Variants in TPST1 observed in about 807,000 individuals in gnomAD.
The protein encoded by TPST1 is tyrosylprotein sulfotransferase 1, also known as protein-tyrosine sulfotransferase 1.
In TPST1, 20 loss-of-function variants were observed where a neutral mutation model predicts 34.8. The ratio of observed to expected loss-of-function variants is 0.57; its 90% CI spans 0.40 to 0.84. The LOEUF is 0.84. TPST1 is among the 40% of genes least tolerant of loss of function. TPST1 has a pLI of 0.00. For synonymous variants in TPST1, 152 were observed against 159.4 expected, an observed-to-expected ratio of 0.95 and a Z score of 0.35; for missense variants, 353 against 455.5, an observed-to-expected ratio of 0.78 and a Z score of 2.05.
chr7:66,257,469 T>C (rs1224433432), intron 2 of TPST1, among the ~76,000 whole-genome samples: 1 of 152,216 alleles, frequency 6.6e-6, no homozygotes, highest in Non-Finnish European at 1.5e-5. Flanking sequence ...TCTGAGTTAT[T>C]CTTCCTTTTT....
chr7:66,331,953 C>G (rs1338902419), intron 3 of TPST1, among the ~76,000 whole-genome samples: 1 of 152,194 alleles, frequency 6.6e-6, no homozygotes, highest in Non-Finnish European at 1.5e-5. Context: ...TGATCTTTCA[C>G]TGTCTCCGAT....
At chr7:66,338,647 A>G (rs1792170595) in intron 3 of TPST1, among the ~76,000 whole-genome samples, 1 of 152,224 alleles carries the variant, frequency 6.6e-6, no homozygotes, top group Non-Finnish European at 1.5e-5. Flanking sequence ...GAATAAAACT[A>G]GAAATCTATA....
Position 66,281,026 on chromosome 7 carries a change from T to G in TPST1, c.846-5485T>G, listed in dbSNP as rs1790922873. ...CTTCGATGCCTAGCTTGTTGAGAGTTTTTAACATGAAGGGATGCTGAATTT... is the reference window on the plus strand; with the variant it reads ...CTTCGATGCCTAGCTTGTTGAGAGTGTTTAACATGAAGGGATGCTGAATTT... On this transcript the variant is annotated intron_variant, in intron 2 of 5. Coordinates refer to ENST00000304842, the MANE Select transcript of TPST1 (RefSeq NM_003596.4). Among the ~76,000 whole-genome samples the G allele has an allele frequency of 2.0e-5, 3 of 152,172 alleles. No individual in the cohort carries two copies. In the South Asian group the frequency reaches 6.2e-4, roughly 32 times the overall value.
At chr7:66,357,834 C>T (rs1177508762) in intron 5 of TPST1, among the ~76,000 whole-genome samples, 1 of 152,146 alleles carries the variant, frequency 6.6e-6, no homozygotes, top group Non-Finnish European at 1.5e-5. Flanking sequence ...GCCTGTAATC[C>T]CAGCACTTTG....
chr7:66,344,195 G>A (rs776886886), intron 3 of TPST1: 3 of 152,116 alleles, frequency 2.0e-5, no homozygotes, highest in Admixed American at 1.3e-4. Flanking sequence ...CAAGAGTTGA[G>A]GGCCAGCCTA....
At chr7:66,283,457 G>A (rs936428532) in intron 2 of TPST1, among the ~76,000 whole-genome samples, 2 of 152,034 alleles carry the variant, frequency 1.3e-5, no homozygotes, top group African/African-American at 4.8e-5. Flanking sequence ...AAGCCATATG[G>A]TCTCTTCCTC....
At chr7:66,257,182 GC>G (rs747264359) in intron 2 of TPST1, among the ~76,000 whole-genome samples, 3 of 152,116 alleles carry the variant, frequency 2.0e-5, no homozygotes, top group Non-Finnish European at 4.4e-5. Context: ...CCTGGGCTCA[GC>G]CCCCCAAAGT....
chr7:66,212,518 G>C (rs1200985199), intron 1 of TPST1, among the ~76,000 whole-genome samples: 2 of 149,630 alleles, frequency 1.3e-5, no homozygotes, highest in African/African-American at 2.5e-5. Context: ...GGAGTGCAAT[G>C]ATATGATCTC....
intron 2 of TPST1, among the ~76,000 whole-genome samples, chr7:66,280,624 C>G (rs1486752270): frequency 2.0e-5 from 3 of 152,138 alleles, no homozygotes; most frequent in African/African-American, 7.2e-5. Context: ...ACTACTCTAT[C>G]TAGGACTTCC....
At chr7:66,238,597 C>T (rs562944006) in intron 1 of TPST1, among the ~76,000 whole-genome samples, 2 of 152,244 alleles carry the variant, frequency 1.3e-5, no homozygotes, top group East Asian at 3.9e-4. Flanking sequence ...AAACCTCAGT[C>T]TTTGCTCTTA....
chr7:66,345,704 C>T (rs1273422142), intron 3 of TPST1, among the ~76,000 whole-genome samples: 1 of 151,462 alleles, frequency 6.6e-6, no homozygotes, highest in Non-Finnish European at 1.5e-5. Flanking sequence ...TTGTGGTTAC[C>T]TGGTAGGTGT....
At chr7:66,231,314 C>T (rs568630801) in intron 1 of TPST1, among the ~76,000 whole-genome samples, 22 of 152,368 alleles carry the variant, frequency 1.4e-4, no homozygotes, top group African/African-American at 2.6e-4. Context: ...GATCCCGCAC[C>T]GGGGCTGCAT....
At chr7:66,223,631 A>G (rs1226475025) in intron 1 of TPST1, among the ~76,000 whole-genome samples, 3 of 152,190 alleles carry the variant, frequency 2.0e-5, no homozygotes, top group African/African-American at 7.2e-5. Flanking sequence ...TAAATAGTTT[A>G]GCCAACAATG....
chr7:66,202,551 A>G (rs1433834455), upstream of TPST1, among the ~76,000 whole-genome samples: 1 of 152,210 alleles, frequency 6.6e-6, no homozygotes. Flanking sequence ...GTGGGAGGTT[A>G]TCTCAGATCT....
intron 3 of TPST1, among the ~76,000 whole-genome samples, chr7:66,325,672 G>A (rs4078376): frequency 0.65 from 98,127 of 151,892 alleles, 32,052 homozygotes; most frequent in African/African-American, 0.74. Flanking sequence ...GTCTTGCTTT[G>A]TCACCCAGGC....
At chr7:66,239,578 T>G (rs1190463052) in intron 1 of TPST1, among the ~76,000 whole-genome samples, 3 of 152,230 alleles carry the variant, frequency 2.0e-5, no homozygotes, top group African/African-American at 2.4e-5. Context: ...TTCATATTTC[T>G]TCTATAATTT....
chr7:66,267,139 G>GT (rs1309971194), intron 2 of TPST1, among the ~76,000 whole-genome samples: 1 of 152,140 alleles, frequency 6.6e-6, no homozygotes, highest in Non-Finnish European at 1.5e-5. Context: ...TTCAATTATA[G>GT]TTTCATTTTT....
intron 1 of TPST1, among the ~76,000 whole-genome samples, chr7:66,233,492 G>A (rs1789841359): frequency 6.6e-6 from 1 of 152,110 alleles, no homozygotes; most frequent in African/African-American, 2.4e-5. Context: ...TGGCACCCTT[G>A]TCAAAAATCA....
At chr7:66,272,285 CTT>C (rs1790719103) in intron 2 of TPST1, among the ~76,000 whole-genome samples, 1 of 152,014 alleles carries the variant, frequency 6.6e-6, no homozygotes. Context: ...TCAAATGGGA[CTT>C]ATATTTGGGA....
Sources: allele counts gnomAD v4.1 joint callset (sites outside exome capture counted in the v4.1 genomes callset), GRCh38; gene constraint gnomAD v4.1.1; transcripts MANE v1.5; gene names NCBI Gene and HGNC (gene_info 2026-07-23, HGNC 2026-07-21).